Variants in GMDS observed in about 807,000 individuals in gnomAD.
GMDS encodes GDP-mannose 4,6 dehydratase.
Under a neutral mutation model 49.9 loss-of-function variants are expected in GMDS, and 20 were observed. The ratio of observed to expected loss-of-function variants is 0.40; its 90% CI spans 0.28 to 0.58. GMDS has a LOEUF of 0.58. GMDS is among the 20% of genes least tolerant of loss of function. The probability of loss-of-function intolerance (pLI) is 0.42; values close to 1 mark genes in which losing one functional copy is unlikely to be tolerated. For synonymous variants in GMDS, 177 were observed against 178.6 expected, an observed-to-expected ratio of 0.99 and a Z score of 0.07; for missense variants, 362 against 481.4, an observed-to-expected ratio of 0.75 and a Z score of 2.32.
chr6:1,729,577 C>G (rs1766717733), intron 8 of GMDS, among the ~76,000 whole-genome samples: 1 of 152,204 alleles, frequency 6.6e-6, no homozygotes, highest in African/African-American at 2.4e-5. Flanking sequence ...AAAAAACATT[C>G]AGTTACAACA....
At chr6:2,181,466 C>G (rs538193070) in intron 1 of GMDS, among the ~76,000 whole-genome samples, 1 of 152,238 alleles carries the variant, frequency 6.6e-6, no homozygotes, top group African/African-American at 2.4e-5. Flanking sequence ...TGCTGTGCTA[C>G]GTTTTATTGC....
intron 4 of GMDS, among the ~76,000 whole-genome samples, chr6:2,005,460 T>A (rs2127387376): frequency 1.3e-5 from 2 of 152,286 alleles, no homozygotes; most frequent in Admixed American, 1.3e-4. Context: ...TGGAGTTGCA[T>A]CCTAAATCAA....
At chr6:1,811,203 T>C (rs1581208633) in intron 7 of GMDS, among the ~76,000 whole-genome samples, 1 of 152,334 alleles carries the variant, frequency 6.6e-6, no homozygotes, top group South Asian at 2.1e-4. Context: ...AATGATAAAA[T>C]AATTATTTAA....
At chr6:1,940,625 C>T (rs1762778024) in intron 6 of GMDS, among the ~76,000 whole-genome samples, 1 of 152,202 alleles carries the variant, frequency 6.6e-6, no homozygotes, top group South Asian at 2.1e-4. Context: ...ACTCAAAATC[C>T]AATAGGCACG....
chr6:2,056,808 C>CTA (rs1435598538), intron 4 of GMDS, among the ~76,000 whole-genome samples: 2 of 152,168 alleles, frequency 1.3e-5, no homozygotes, highest in African/African-American at 4.8e-5. Flanking sequence ...GTTACTCTTA[C>CTA]TACCATTAAT....
rs1380488724 is a variant in GMDS, at chr6:1,879,387, T to C, written c.771+50716A>G. Among the ~76,000 whole-genome samples the C allele has an allele frequency of 3.3e-5, 5 of 152,326 alleles. No homozygotes were observed. The East Asian group carries it at 9.6e-4, about 29-fold the overall frequency. ...CCCTCGCATAGGGTGAATATTCACC[T>C]GCTAAGGAGTCAAGCTTGCTGGGTG... On this transcript the variant is annotated intron_variant, in intron 7 of 10. Coordinates refer to ENST00000380815, the MANE Select transcript of GMDS (RefSeq NM_001500.4).
chr6:1,727,847 CAG>C (rs2113445901), intron 8 of GMDS, among the ~76,000 whole-genome samples: 1 of 152,286 alleles, frequency 6.6e-6, no homozygotes, highest in East Asian at 1.9e-4. Flanking sequence ...TCCTGTGACA[CAG>C]AGAATTATAT....
intron 1 of GMDS, among the ~76,000 whole-genome samples, chr6:2,129,544 C>T (rs571350507): frequency 4.6e-5 from 7 of 152,284 alleles, no homozygotes; most frequent in South Asian, 2.1e-4. Context: ...ACTAATAAAA[C>T]GAATCTCTTT....
At chr6:2,222,760 G>A (rs1049285262) in intron 1 of GMDS, among the ~76,000 whole-genome samples, 1 of 152,150 alleles carries the variant, frequency 6.6e-6, no homozygotes. Flanking sequence ...ATACAAACAC[G>A]AGCAACATTG....
chr6:1,869,755 A>G (rs1758627546), intron 7 of GMDS, among the ~76,000 whole-genome samples: 1 of 152,266 alleles, frequency 6.6e-6, no homozygotes, highest in Non-Finnish European at 1.5e-5. Flanking sequence ...GTTTGGGACC[A>G]CAGTGCGGAA....
chr6:1,788,533 A>C (rs1769407959), intron 7 of GMDS, among the ~76,000 whole-genome samples: 1 of 152,160 alleles, frequency 6.6e-6, no homozygotes, highest in Non-Finnish European at 1.5e-5. Context: ...CTGATATTAC[A>C]CTAGCAATGG....
intron 4 of GMDS, among the ~76,000 whole-genome samples, chr6:2,062,083 A>G (rs916021262): frequency 1.3e-5 from 2 of 152,162 alleles, no homozygotes; most frequent in Admixed American, 1.3e-4. Context: ...CTTGACCACA[A>G]TTATGCCTAG....
chr6:2,235,205 C>T lies in GMDS; in HGVS notation c.102+10116G>A, dbSNP rs528236140. On this transcript the variant is annotated intron_variant, in intron 1 of 10. Transcript: ENST00000380815. ...ACAGCCAACAGAGTTAGAATCATCC[C>T]CTTAGGGGTGATGGGGAAGCAGGCA... 3.9e-5 allele frequency among the ~76,000 whole-genome samples: 6 copies of T among 152,268 alleles called. No homozygotes were observed. In the South Asian group the frequency reaches 1.0e-3, roughly 26 times the overall value.
intron 1 of GMDS, among the ~76,000 whole-genome samples, chr6:2,162,682 AC>A: frequency 7.8e-6 from 1 of 128,234 alleles, no homozygotes; most frequent in Non-Finnish European, 1.5e-5. Context: ...ACACACACAC[AC>A]ACACACACAC....
intron 9 of GMDS, among the ~76,000 whole-genome samples, chr6:1,722,965 T>G (rs1025856578): frequency 6.6e-6 from 1 of 152,232 alleles, no homozygotes; most frequent in East Asian, 1.9e-4. Context: ...CAAACCCCTG[T>G]AGGCAGAGTA....
Position 1,819,774 on chromosome 6 carries a change from A to AT in GMDS, c.772-77189_772-77188insA, listed in dbSNP as rs1554123170. ...AGACTCTGCCTCAAAAAAAAAAAAAAAAATATATATATATATATATATATC... is the reference window on the plus strand; with the variant it reads ...AGACTCTGCCTCAAAAAAAAAAAAAATAAATATATATATATATATATATATC... On this transcript the variant is annotated intron_variant, in intron 7 of 10. Transcript: ENST00000380815. 4.9e-3 allele frequency among the ~76,000 whole-genome samples: 604 copies of AT among 123,656 alleles called. 3 individuals are homozygous for AT. The highest frequency in any genetic ancestry group is 0.028 in the East Asian group (107 of 3,782). The allele number at this position is 123,656 out of a possible 152,430, so 81.1% of individuals were successfully genotyped here.
At chr6:1,972,400 G>A (rs1305763232) in intron 4 of GMDS, among the ~76,000 whole-genome samples, 2 of 151,326 alleles carry the variant, frequency 1.3e-5, no homozygotes, top group African/African-American at 4.9e-5. Context: ...AATCTGTCAT[G>A]ATTTCTGTAT....
intron 4 of GMDS, among the ~76,000 whole-genome samples, chr6:1,999,961 ATATATATATTATATATATATTTTAT>A (rs1561961606): frequency 0.038 from 810 of 21,302 alleles, 94 homozygotes; most frequent in African/African-American, 0.053. Flanking sequence ...TATGTATATT[ATATATATATTATATATATATTTTAT>A]ATATATATAT....
intron 7 of GMDS, among the ~76,000 whole-genome samples, chr6:1,792,345 C>T (rs552314265): frequency 2.6e-5 from 4 of 152,052 alleles, no homozygotes; most frequent in Admixed American, 6.6e-5. Context: ...TACCTTCAAA[C>T]CTGTCAGAGA....
Sources: gnomAD v4.1 joint callset for allele counts (sites outside exome capture counted in the v4.1 genomes callset) on GRCh38, gnomAD v4.1.1 for gene constraint, MANE v1.5 for transcripts, NCBI Gene and HGNC (gene_info 2026-07-23, HGNC 2026-07-21) for gene names.